LARS2: variants seen among roughly 807,000 people sequenced by gnomAD.
LARS2 encodes the protein leucyl-tRNA synthetase 2, mitochondrial.
Under a neutral mutation model 116.6 loss-of-function variants are expected in LARS2, and 81 were observed. The observed-to-expected ratio is 0.69, with a 90% confidence interval of 0.58 to 0.84. The LOEUF (loss-of-function observed/expected upper bound fraction) is 0.84, where lower values mean the gene tolerates loss of function less well. LARS2 is among the 40% of genes least tolerant of loss of function. LARS2 has a pLI of 0.00. For missense variants in LARS2, 968 were observed against 1,114.5 expected, an observed-to-expected ratio of 0.87 and a Z score of 1.87; for synonymous variants, 396 against 407.2, an observed-to-expected ratio of 0.97 and a Z score of 0.33.
At chr3:45,522,424 T>C (rs1187439639) in intron 19 of LARS2, among the ~76,000 whole-genome samples, 1 of 152,054 alleles carries the variant, frequency 6.6e-6, no homozygotes, top group African/African-American at 2.4e-5. Context: ...TATGATATAA[T>C]GTTAAGTAAA....
At chr3:45,399,847 C>G (rs1190831335) in intron 3 of LARS2, among the ~76,000 whole-genome samples, 1 of 151,992 alleles carries the variant, frequency 6.6e-6, no homozygotes, top group Non-Finnish European at 1.5e-5. Flanking sequence ...TGCCTCATAG[C>G]TTAGCTCCCA....
chr3:45,483,547 G>A (rs1386733783), intron 10 of LARS2, among the ~76,000 whole-genome samples: 1 of 152,148 alleles, frequency 6.6e-6, no homozygotes, highest in Admixed American at 6.5e-5. Flanking sequence ...TACTTGGGTG[G>A]CTGAAGCACC....
intron 12 of LARS2, among the ~76,000 whole-genome samples, chr3:45,490,729 C>A (rs998802369): frequency 2.0e-5 from 3 of 152,206 alleles, no homozygotes; most frequent in African/African-American, 7.2e-5. Flanking sequence ...GAGCCCAGCA[C>A]GTATAGATGC....
At chr3:45,461,819 A>G (rs1260334718) in intron 8 of LARS2, among the ~76,000 whole-genome samples, 1 of 152,226 alleles carries the variant, frequency 6.6e-6, no homozygotes, top group Non-Finnish European at 1.5e-5. Flanking sequence ...CGTGGCTTGA[A>G]TAGCACACAG....
intron 8 of LARS2, among the ~76,000 whole-genome samples, chr3:45,465,460 G>A (rs370876987): frequency 2.6e-5 from 4 of 152,220 alleles, no homozygotes; most frequent in Admixed American, 1.3e-4. Flanking sequence ...CTGGGCAGGG[G>A]TAGGAAGGGC....
Position 45,518,065 on chromosome 3 carries a change from T to C in LARS2, c.2207T>C (p.Ile736Thr). The C allele has an allele frequency of 6.2e-7, 1 of 1,611,422 alleles. No individual in the cohort carries two copies. Among genetic ancestry groups the C allele is most frequent in the Non-Finnish European group, 8.5e-7 (1 of 1,178,258 alleles). The change falls in exon 18 of 22, where the codon ATC becomes ACC. Residue 736 changes from isoleucine (I) to threonine (T), a missense_variant. By Grantham distance (89) the Ile-to-Thr change is moderately conservative. Coordinates refer to ENST00000645846, the MANE Select transcript of LARS2 (RefSeq NM_015340.4). ...RKLWEYKNSV[I>T]SQVTTHFTED... ...CTCTGGGAGTACAAGAACTCCGTCA[T>C]CTCTCAGGTCAGAAACTCTCCAATT...
At chr3:45,531,688 G>A (rs905405593) in intron 20 of LARS2, among the ~76,000 whole-genome samples, 3 of 152,070 alleles carry the variant, frequency 2.0e-5, no homozygotes, top group African/African-American at 4.8e-5. Context: ...CCAGCCTACT[G>A]TCCTTTTAAA....
At chr3:45,451,527 A>G (rs978259934) in intron 7 of LARS2, among the ~76,000 whole-genome samples, 5 of 152,072 alleles carry the variant, frequency 3.3e-5, no homozygotes, top group African/African-American at 1.2e-4. Flanking sequence ...GCATGGATTT[A>G]TATCTGGGTT....
At chr3:45,433,305 T>C (rs1453236659) in intron 6 of LARS2, among the ~76,000 whole-genome samples, 1 of 152,102 alleles carries the variant, frequency 6.6e-6, no homozygotes, top group Non-Finnish European at 1.5e-5. Context: ...TTTTCTGGTA[T>C]CTCCTGTTTT....
At chr3:45,502,432 T>C (rs1225892970) in intron 15 of LARS2, among the ~76,000 whole-genome samples, 1 of 152,110 alleles carries the variant, frequency 6.6e-6, no homozygotes, top group Non-Finnish European at 1.5e-5. Context: ...TTTCGGTGTG[T>C]CAGTACTGTT....
At chr3:45,515,711 CA>C (rs1321402127) in intron 16 of LARS2, among the ~76,000 whole-genome samples, 2 of 152,214 alleles carry the variant, frequency 1.3e-5, no homozygotes, top group African/African-American at 4.8e-5. Flanking sequence ...TGCCAACTTC[CA>C]TAAGAGACCC....
At chr3:45,529,495 G>A (rs1168911135) in intron 20 of LARS2, among the ~76,000 whole-genome samples, 1 of 150,886 alleles carries the variant, frequency 6.6e-6, no homozygotes, top group African/African-American at 2.4e-5. Context: ...GTTGCGGTGG[G>A]CTGAGATTGC....
chr3:45,400,205 A>G, intron 3 of LARS2, 40 bp from the exon 4 acceptor site: 1 of 1,590,968 alleles, frequency 6.3e-7, no homozygotes, highest in Non-Finnish European at 8.6e-7. Context: ...CAGAGTTCCC[A>G]GAAAATGCTT....
intron 1 of LARS2, among the ~76,000 whole-genome samples, chr3:45,390,925 C>A (rs947628322): frequency 6.6e-6 from 1 of 152,014 alleles, no homozygotes; most frequent in Non-Finnish European, 1.5e-5. Flanking sequence ...CAGGCGTGAG[C>A]CACCGCACCT....
chr3:45,544,422 G>C (rs1700845463), intron 21 of LARS2, among the ~76,000 whole-genome samples: 1 of 152,238 alleles, frequency 6.6e-6, no homozygotes, highest in South Asian at 2.1e-4. Flanking sequence ...TCCGGCTATT[G>C]AGAGAATTAG....
At chr3:45,542,104 A>G (rs1470643369) in intron 21 of LARS2, 148 bp downstream of exon 21, 2 of 987,006 alleles carry the variant, frequency 2.0e-6, no homozygotes, top group Admixed American at 5.5e-5. Context: ...CGGAAGGCAC[A>G]AAGGCCTGTC....
chr3:45,429,501 C>G (rs889668309), intron 6 of LARS2, among the ~76,000 whole-genome samples: 2 of 152,164 alleles, frequency 1.3e-5, no homozygotes, highest in Admixed American at 6.5e-5. Flanking sequence ...AGATCTCTCC[C>G]ATTCCAGCCA....
intron 20 of LARS2, among the ~76,000 whole-genome samples, chr3:45,531,685 A>G (rs1271904274): frequency 6.6e-6 from 1 of 152,110 alleles, no homozygotes; most frequent in Non-Finnish European, 1.5e-5. Flanking sequence ...CACCCAGCCT[A>G]CTGTCCTTTT....
At chr3:45,399,829 C>G (rs1174529970) in intron 3 of LARS2, among the ~76,000 whole-genome samples, 2 of 151,894 alleles carry the variant, frequency 1.3e-5, no homozygotes, top group Admixed American at 6.6e-5. Flanking sequence ...TCCATTGTAT[C>G]ATTCTTATGC....
Sources: gnomAD v4.1 joint callset for allele counts (sites outside exome capture counted in the v4.1 genomes callset) on GRCh38, gnomAD v4.1.1 for gene constraint, MANE v1.5 for transcripts, NCBI Gene and HGNC (gene_info 2026-07-23, HGNC 2026-07-21) for gene names.